RIMS2: variants seen among roughly 807,000 people sequenced by gnomAD.
The protein encoded by RIMS2 is regulating synaptic membrane exocytosis 2.
A neutral mutation model predicts 174.4 loss-of-function variants in RIMS2; 59 were observed. The ratio of observed to expected loss-of-function variants is 0.34; its 90% CI spans 0.27 to 0.42. The LOEUF (loss-of-function observed/expected upper bound fraction) is 0.42, where lower values mean the gene tolerates loss of function less well. RIMS2 is among the 10% of genes least tolerant of loss of function. The pLI is 1.00. For missense variants in RIMS2, 1,620 were observed against 1,666.3 expected (o/e 0.97, Z 0.48); for synonymous variants, 606 against 572.5 (o/e 1.06, Z -0.84).
chr8:104,129,324 A>G (rs925969149), intron 19 of RIMS2, among the ~76,000 whole-genome samples: 5 of 152,166 alleles, frequency 3.3e-5, no homozygotes, highest in Admixed American at 3.3e-4. Context: ...GTTTGAGGTT[A>G]CAATCAGCCC....
intron 3 of RIMS2, among the ~76,000 whole-genome samples, chr8:103,870,222 T>C (rs2099104059): frequency 6.6e-6 from 1 of 151,838 alleles, no homozygotes; most frequent in Non-Finnish European, 1.5e-5. Context: ...GACTTTGGGC[T>C]CAGTTTACAC....
chr8:104,224,685 A>C lies in RIMS2; in HGVS notation c.3335-20231A>C, dbSNP rs10089588. Among the ~76,000 whole-genome samples, 1,498 of 152,284 alleles carry C rather than the reference A, an allele frequency of 9.8e-3. 21 individuals carry two copies. Among genetic ancestry groups the C allele is most frequent in the African/African-American group, 0.032 (1,348 of 41,544 alleles). On this transcript the variant is annotated intron_variant, in intron 19 of 23. Coordinates refer to ENST00000504942, the Ensembl canonical transcript of RIMS2. ...GGTTGGTTTTGCTTTTATCCCGAGA[A>C]AATCAATGACCTCTTATTAGGACAT... is the stretch of plus-strand genomic sequence containing the variant.
At chr8:103,886,852 A>T (rs2099205682) in intron 4 of RIMS2, among the ~76,000 whole-genome samples, 1 of 151,646 alleles carries the variant, frequency 6.6e-6, no homozygotes, top group African/African-American at 2.4e-5. Context: ...TTCTATCATA[A>T]GATTATACCA....
intron 19 of RIMS2, among the ~76,000 whole-genome samples, chr8:104,036,426 C>T (rs1175935908): frequency 2.6e-5 from 4 of 151,618 alleles, no homozygotes; most frequent in Non-Finnish European, 5.9e-5. Context: ...GCTGGGATTA[C>T]AGGCATGAGC....
chr8:103,551,595 G>T (rs1847951222), intron 1 of RIMS2, among the ~76,000 whole-genome samples: 1 of 152,140 alleles, frequency 6.6e-6, no homozygotes, highest in South Asian at 2.1e-4. Flanking sequence ...GGAAGTTCTG[G>T]CCAGGGCAAT....
At chr8:103,751,014 TA>T (rs1023019124) in intron 2 of RIMS2, among the ~76,000 whole-genome samples, 24 of 152,108 alleles carry the variant, frequency 1.6e-4, no homozygotes, top group Non-Finnish European at 2.6e-4. Flanking sequence ...CTGATGGTTT[TA>T]AAAAGGGCAG....
chr8:104,092,942 AAAT>A (rs1479579260), intron 19 of RIMS2, among the ~76,000 whole-genome samples: 1 of 151,990 alleles, frequency 6.6e-6, no homozygotes, highest in African/African-American at 2.4e-5. Flanking sequence ...GAACTATTGT[AAAT>A]AATAATGACT....
chr8:103,782,433 CGTGTGTGTGTGTGTGT>C (rs71297237), intron 3 of RIMS2, among the ~76,000 whole-genome samples: 1 of 145,736 alleles, frequency 6.9e-6, no homozygotes, highest in Admixed American at 7.0e-5. Flanking sequence ...ACATAAATCC[CGTGTGTGTGTGTGTGT>C]GTGTGTGTGT....
chr8:103,837,049 G>A (rs1261455577), intron 3 of RIMS2, among the ~76,000 whole-genome samples: 2 of 152,142 alleles, frequency 1.3e-5, no homozygotes, highest in African/African-American at 4.8e-5. Flanking sequence ...TTTATAAAAT[G>A]CTTAATGCAA....
chr8:103,993,686 T>C (rs984665710), intron 17 of RIMS2, among the ~76,000 whole-genome samples: 2 of 152,146 alleles, frequency 1.3e-5, no homozygotes, highest in African/African-American at 4.8e-5. Flanking sequence ...AGTTAAATCA[T>C]ACTGAGTAGA....
At chr8:103,630,342 A>G (rs969201531) in intron 1 of RIMS2, among the ~76,000 whole-genome samples, 8 of 152,160 alleles carry the variant, frequency 5.3e-5, no homozygotes, top group African/African-American at 1.9e-4. Context: ...TCAAAATCTT[A>G]AATCTAGCAA....
chr8:103,974,050 A>C (rs1017799567), intron 15 of RIMS2, among the ~76,000 whole-genome samples: 2 of 152,094 alleles, frequency 1.3e-5, no homozygotes, highest in Non-Finnish European at 2.9e-5. Flanking sequence ...AGTCAGACCA[A>C]CCCTGGGCAA....
intron 19 of RIMS2, among the ~76,000 whole-genome samples, chr8:104,179,757 C>T (rs1455604818): frequency 1.3e-5 from 2 of 150,856 alleles, no homozygotes; most frequent in African/African-American, 2.4e-5. Flanking sequence ...ATTCCCTTTT[C>T]TGTGTTTTTA....
At chr8:104,248,324 A>G (rs1041179818) in intron 20 of RIMS2, among the ~76,000 whole-genome samples, 10 of 152,168 alleles carry the variant, frequency 6.6e-5, no homozygotes, top group African/African-American at 2.4e-4. Flanking sequence ...TCGTGTATGA[A>G]ATAGGAGAAA....
At chr8:104,089,653 A>G (rs746766959) in intron 19 of RIMS2, among the ~76,000 whole-genome samples, 6 of 151,890 alleles carry the variant, frequency 4.0e-5, no homozygotes, top group Non-Finnish European at 8.8e-5. Context: ...AGAAGTCAAC[A>G]GAGAAATACA....
chr8:103,800,788 T>G (rs1252987583), intron 3 of RIMS2, among the ~76,000 whole-genome samples: 1 of 152,180 alleles, frequency 6.6e-6, no homozygotes, highest in Non-Finnish European at 1.5e-5. Context: ...TGTATGTAGT[T>G]TCCTTTCCTT....
chr8:103,960,615 G>A (rs1307170509), intron 14 of RIMS2, among the ~76,000 whole-genome samples: 1 of 152,068 alleles, frequency 6.6e-6, no homozygotes, highest in Non-Finnish European at 1.5e-5. Flanking sequence ...CAATGTATTG[G>A]TGATGCATAT....
intron 15 of RIMS2, 31 bp downstream of exon 17, chr8:103,961,164 A>C (rs1184021950): frequency 2.2e-6 from 2 of 921,784 alleles, no homozygotes; most frequent in Non-Finnish European, 3.6e-6. Context: ...TTATAGTATT[A>C]AAAAGGGAGT....
chr8:104,251,039 T>C (rs764825790), exon 23 of RIMS2: 2 of 1,613,320 alleles, frequency 1.2e-6, no homozygotes, highest in Non-Finnish European at 1.7e-6. Context: ...TATGTAAAAG[T>C]GTATCTATTA....
Sources: allele counts gnomAD v4.1 joint callset (sites outside exome capture counted in the v4.1 genomes callset), GRCh38; gene constraint gnomAD v4.1.1; transcripts MANE v1.5; gene names NCBI Gene and HGNC (gene_info 2026-07-23, HGNC 2026-07-21).